The following RERG variants were observed in gnomAD, a reference collection of about 807,000 sequenced individuals.
RERG encodes RAS like estrogen regulated growth inhibitor.
In RERG, 25 loss-of-function variants were observed where a neutral mutation model predicts 23.2. The observed-to-expected ratio is 1.08, with a 90% CI of 0.79 to 1.50. The LOEUF is 1.50. Among genes scored for constraint, RERG ranks in the 40% most tolerant of loss-of-function variants. The pLI is 0.00. For missense variants in RERG, 253 were observed against 250.1 expected, an observed-to-expected ratio of 1.01 and a Z score of -0.08; for synonymous variants, 81 against 89.1, an observed-to-expected ratio of 0.91 and a Z score of 0.51.
chr12:15,128,054 T>C (rs529847395), intron 2 of RERG, among the ~76,000 whole-genome samples: 1 of 152,214 alleles, frequency 6.6e-6, no homozygotes, highest in African/African-American at 2.4e-5. Context: ...TATACAATAC[T>C]TTTCCACTGT....
intron 2 of RERG, among the ~76,000 whole-genome samples, chr12:15,181,074 A>T (rs1169009346): frequency 6.6e-6 from 1 of 152,110 alleles, no homozygotes; most frequent in African/African-American, 2.4e-5. Context: ...CACAGACATC[A>T]ATAGCTTTAA....
At chr12:15,216,699 C>T (rs1865444865) in intron 2 of RERG, among the ~76,000 whole-genome samples, 1 of 152,182 alleles carries the variant, frequency 6.6e-6, no homozygotes, top group Admixed American at 6.5e-5. Context: ...GTTTCAGCAA[C>T]GTTGACTTTG....
At chr12:15,190,843 A>G (rs1321762583) in intron 2 of RERG, among the ~76,000 whole-genome samples, 2 of 152,160 alleles carry the variant, frequency 1.3e-5, no homozygotes, top group Non-Finnish European at 1.5e-5. Flanking sequence ...TTTGCTCAGC[A>G]TCTTGCCAGG....
At chr12:15,183,562 A>G (rs1268625004) in intron 2 of RERG, among the ~76,000 whole-genome samples, 2 of 152,176 alleles carry the variant, frequency 1.3e-5, no homozygotes, top group Middle Eastern at 3.2e-3. Context: ...TCAGGTATAC[A>G]ATTTTTAACC....
Position 15,217,502 on chromosome 12 carries a change from T to C in RERG, c.-13A>G, listed in dbSNP as rs747634810. On this transcript the variant is annotated 5_prime_UTR_variant, in exon 2 of 5. Transcript: ENST00000256953. The stretch of plus-strand genomic sequence containing the variant: ...CACTTTTAGCCATGATGGGTGTTGG[T>C]AGACAATTTACTGTTGTTAAAACTA... 9 of 1,601,328 alleles carry C rather than the reference T, an allele frequency of 5.6e-6. No individual in the cohort carries two copies. The Admixed American group carries it at 1.0e-4, about 18-fold the overall frequency.
chr12:15,169,030 T>G (rs1379001835), intron 2 of RERG, among the ~76,000 whole-genome samples: 1 of 152,178 alleles, frequency 6.6e-6, no homozygotes, highest in Admixed American at 6.6e-5. Flanking sequence ...TTAATGACTC[T>G]GGAGATGAAA....
intron 2 of RERG, among the ~76,000 whole-genome samples, chr12:15,190,537 A>C (rs1444592936): frequency 6.6e-6 from 1 of 152,174 alleles, no homozygotes; most frequent in Non-Finnish European, 1.5e-5. Flanking sequence ...AAGATGGCAA[A>C]GATGCTCCTT....
At position 15,208,948 on chromosome 12, in the gene RERG, TA is replaced by T. The variant is rs60665602; in HGVS notation, c.61+8480del. 5.8e-3 allele frequency among the ~76,000 whole-genome samples: 855 copies of T among 147,866 alleles called. 6 individuals are homozygous for T. The highest frequency in any genetic ancestry group is 0.017 in the African/African-American group (702 of 40,478). On this transcript the variant is annotated intron_variant, in intron 2 of 4. Coordinates refer to ENST00000256953, the MANE Select transcript of RERG (RefSeq NM_032918.3). ...ACTGCCCACTTTACATACTGATACT[TA>T]AAAAAAAAAAAATCAACTCAATGTC...
intron 2 of RERG, among the ~76,000 whole-genome samples, chr12:15,211,203 G>C (rs1421287207): frequency 6.6e-6 from 1 of 151,440 alleles, no homozygotes; most frequent in East Asian, 1.9e-4. Context: ...CATGTTCACT[G>C]CAGAATTTTT....
intron 2 of RERG, among the ~76,000 whole-genome samples, chr12:15,184,592 T>C (rs1864965334): frequency 6.6e-6 from 1 of 152,194 alleles, no homozygotes; most frequent in Admixed American, 6.5e-5. Context: ...CGGATCATTA[T>C]TACAGGCTGT....
intron 2 of RERG, among the ~76,000 whole-genome samples, chr12:15,200,441 G>T (rs1366641491): frequency 6.6e-6 from 1 of 152,004 alleles, no homozygotes; most frequent in African/African-American, 2.4e-5. Flanking sequence ...AATGACAGTG[G>T]TCTTTTGCAT....
intron 2 of RERG, among the ~76,000 whole-genome samples, chr12:15,126,480 C>T (rs921364679): frequency 6.6e-5 from 10 of 151,896 alleles, no homozygotes; most frequent in Non-Finnish European, 5.9e-5. Context: ...ACATTTCTTA[C>T]AGGGTTTATT....
At chr12:15,218,655 T>C (rs972174142) in intron 1 of RERG, among the ~76,000 whole-genome samples, 11 of 152,048 alleles carry the variant, frequency 7.2e-5, no homozygotes, top group Non-Finnish European at 1.6e-4. Flanking sequence ...TTTCTCTCTA[T>C]GAAATAACTC....
At chr12:15,138,200 G>T (rs1286753158) in intron 2 of RERG, 1 of 163,674 alleles carries the variant, frequency 6.1e-6, no homozygotes. Flanking sequence ...TGAATGTGTG[G>T]TCTGGTGTCT....
At chr12:15,206,605 G>T (rs1865294651) in intron 2 of RERG, among the ~76,000 whole-genome samples, 1 of 152,098 alleles carries the variant, frequency 6.6e-6, no homozygotes, top group Non-Finnish European at 1.5e-5. Context: ...GTCAGAACCT[G>T]TGGAGGTGGG....
chr12:15,194,564 C>T (rs993686463), intron 2 of RERG, among the ~76,000 whole-genome samples: 1 of 151,476 alleles, frequency 6.6e-6, no homozygotes, highest in Non-Finnish European at 1.5e-5. Flanking sequence ...CCACACTCTT[C>T]CTGCCATTCC....
intron 4 of RERG, among the ~76,000 whole-genome samples, chr12:15,109,760 AT>A (rs936841590): frequency 1.7e-4 from 26 of 152,176 alleles, no homozygotes; most frequent in African/African-American, 6.0e-4. Flanking sequence ...TCTGCTTTTA[AT>A]TTTTTTCTTG....
intron 2 of RERG, among the ~76,000 whole-genome samples, chr12:15,198,941 C>T (rs564806102): frequency 1.3e-5 from 2 of 152,282 alleles, no homozygotes; most frequent in Non-Finnish European, 2.9e-5. Flanking sequence ...AGGTCCATTA[C>T]TTCAATCACA....
chr12:15,173,394 A>C (rs753279804), intron 2 of RERG, among the ~76,000 whole-genome samples: 1 of 151,982 alleles, frequency 6.6e-6, no homozygotes, highest in African/African-American at 2.4e-5. Flanking sequence ...TTTTGAAATC[A>C]GGAAATATGA....
Sources: allele counts gnomAD v4.1 joint callset (sites outside exome capture counted in the v4.1 genomes callset), GRCh38; gene constraint gnomAD v4.1.1; transcripts MANE v1.5; gene names NCBI Gene and HGNC (gene_info 2026-07-23, HGNC 2026-07-21).